Variants in WNK3 observed in about 807,000 individuals in gnomAD.
WNK3 encodes serine/threonine-protein kinase WNK3.
In WNK3, 18 loss-of-function variants were observed where a neutral mutation model predicts 116.7. The observed-to-expected ratio is 0.15, with a 90% CI of 0.11 to 0.23. The LOEUF is 0.23. Ranked by LOEUF, WNK3 falls within the 10% of genes least tolerant of loss-of-function variation. The pLI is 1.00. For synonymous variants in WNK3, 404 were observed against 469.4 expected (o/e 0.86, Z 1.80); for missense variants, 993 against 1,323.8 (o/e 0.75, Z 3.88).
At chrX:54,358,309 C>G (rs985291705), upstream of WNK3, among the ~76,000 whole-genome samples, 1 of 110,661 alleles carries the variant, frequency 9.0e-6, no homozygotes, top group African/African-American at 3.3e-5. Flanking sequence ...CTGTGTGTTC[C>G]GAAGCGCTCT....
chrX:54,287,819 T>A (rs1431531813), intron 10 of WNK3, among the ~76,000 whole-genome samples: 6 of 112,044 alleles, frequency 5.4e-5, no homozygotes, highest in African/African-American at 1.6e-4. Flanking sequence ...TAGTTCACTA[T>A]CATCCTGACC....
At chrX:54,245,145 CGTGT>C (rs782272022) in intron 17 of WNK3, among the ~76,000 whole-genome samples, 1,041 of 84,568 alleles carry the variant, frequency 0.012, 7 homozygotes, top group African/African-American at 0.025. Flanking sequence ...CATATATATG[CGTGT>C]GTGTGTGTGT....
At chrX:54,291,346 CAAAAT>C (rs1244169162) in intron 10 of WNK3, among the ~76,000 whole-genome samples, 2 of 111,504 alleles carry the variant, frequency 1.8e-5, no homozygotes, top group African/African-American at 6.5e-5. Context: ...CAAAACAAAA[CAAAAT>C]GAAAAAACAA....
chrX:54,310,319 T>C (rs952540458), intron 3 of WNK3, among the ~76,000 whole-genome samples: 1 of 109,794 alleles, frequency 9.1e-6, no homozygotes, highest in Non-Finnish European at 1.9e-5. Context: ...GGTGGGCAGA[T>C]TGCTTTAGCC....
intron 1 of WNK3, among the ~76,000 whole-genome samples, chrX:54,353,234 G>A (rs907798585): frequency 1.4e-4 from 16 of 111,399 alleles, no homozygotes; most frequent in East Asian, 1.1e-3. Context: ...CAAGACAGGC[G>A]GATCACCTGA....
exon 8 of WNK3, chrX:54,294,838 C>T: frequency 8.5e-7 from 1 of 1,176,780 alleles, no homozygotes. Flanking sequence ...TGGAAGAACC[C>T]AGACTTGACC....
intron 22 of WNK3, among the ~76,000 whole-genome samples, chrX:54,216,586 T>C (rs1411713049): frequency 1.8e-5 from 2 of 111,226 alleles, no homozygotes; most frequent in Non-Finnish European, 3.8e-5. Flanking sequence ...ACCTCTAACA[T>C]ATTCTTGGCA....
chrX:54,200,606 C>G (rs782323811), intron 23 of WNK3, among the ~76,000 whole-genome samples: 1 of 111,565 alleles, frequency 9.0e-6, no homozygotes, highest in Non-Finnish European at 1.9e-5. Flanking sequence ...TAAAGTCACA[C>G]AACTAGTAAG....
chrX:54,201,752 T>C (rs980093883), intron 23 of WNK3, among the ~76,000 whole-genome samples: 5 of 112,164 alleles, frequency 4.5e-5, no homozygotes, highest in African/African-American at 1.3e-4. Flanking sequence ...GTAGTTGTAA[T>C]AGTATAGCTT....
intron 2 of WNK3, among the ~76,000 whole-genome samples, chrX:54,319,930 C>G (rs1165852396): frequency 9.8e-5 from 11 of 112,147 alleles, no homozygotes; most frequent in African/African-American, 3.2e-4. Flanking sequence ...GCTAATGAAG[C>G]TGACATAGTC....
intron 22 of WNK3, among the ~76,000 whole-genome samples, chrX:54,205,839 C>T (rs2067548350): frequency 1.8e-5 from 2 of 111,713 alleles, no homozygotes; most frequent in South Asian, 3.8e-4. Context: ...ACTATGCAAA[C>T]GTGGTTTATG....
intron 10 of WNK3, among the ~76,000 whole-genome samples, chrX:54,279,393 G>A (rs916547581): frequency 4.5e-5 from 5 of 110,552 alleles, no homozygotes; most frequent in South Asian, 7.7e-4. Flanking sequence ...AGGGAGACCC[G>A]TCTCTACACA....
chrX:54,249,878 G>T, intron 16 of WNK3, 116 bp downstream of exon 16: 1 of 930,079 alleles, frequency 1.1e-6, no homozygotes, highest in Non-Finnish European at 1.4e-6. Flanking sequence ...CTTCAAAAAA[G>T]CTTATGAAAA....
intron 22 of WNK3, among the ~76,000 whole-genome samples, chrX:54,214,912 C>G (rs1179918922): frequency 9.2e-6 from 1 of 109,138 alleles, no homozygotes. Context: ...ACTCAGGAGG[C>G]CGAGGCAGGA....
At chrX:54,198,413 C>A in exon 24 of WNK3, 1 of 1,211,117 alleles carries the variant, frequency 8.3e-7, no homozygotes, top group Non-Finnish European at 1.1e-6. Flanking sequence ...AATGGTCCCC[C>A]AGATTGGGCG....
intron 5 of WNK3, among the ~76,000 whole-genome samples, chrX:54,302,144 G>T (rs1296159175): frequency 3.6e-5 from 4 of 110,695 alleles, no homozygotes; most frequent in African/African-American, 1.3e-4. Context: ...ATCTAGATCT[G>T]CAGGTATATA....
At chrX:54,211,407 G>A (rs1241653977) in intron 22 of WNK3, among the ~76,000 whole-genome samples, 4 of 102,298 alleles carry the variant, frequency 3.9e-5, no homozygotes, top group East Asian at 3.1e-4. Context: ...ATGCCACTGC[G>A]CTCCAGCCTT....
chrX:54,320,707 T>C (rs2069020431), intron 2 of WNK3, among the ~76,000 whole-genome samples: 1 of 108,699 alleles, frequency 9.2e-6, no homozygotes, highest in African/African-American at 3.3e-5. Flanking sequence ...TTTTTTTTTT[T>C]CTTTCTGTGG....
chrX:54,206,005 T>A (rs1171570519), intron 22 of WNK3, among the ~76,000 whole-genome samples: 1 of 112,065 alleles, frequency 8.9e-6, no homozygotes, highest in Non-Finnish European at 1.9e-5. Flanking sequence ...ATCACTCCAC[T>A]GCATTATTTC....
Sources: gnomAD v4.1 joint callset for allele counts (sites outside exome capture counted in the v4.1 genomes callset) on GRCh38, gnomAD v4.1.1 for gene constraint, MANE v1.5 for transcripts, NCBI Gene and HGNC (gene_info 2026-07-23, HGNC 2026-07-21) for gene names.